The following ALG3 variants were observed in gnomAD, a reference collection of about 807,000 sequenced individuals.
The protein encoded by ALG3 is dol-P-Man:Man(5)GlcNAc(2)-PP-Dol alpha-1,3-mannosyltransferase.
Under a neutral mutation model 50.5 loss-of-function variants are expected in ALG3, and 39 were observed. That is an observed-to-expected ratio of 0.77 (90% CI 0.60 to 1.01). The LOEUF is 1.01. ALG3 is among the 50% of genes least tolerant of loss of function. The pLI, the probability that ALG3 is intolerant of heterozygous loss-of-function variation, is 0.00. For missense variants in ALG3, 520 were observed against 554.8 expected, an observed-to-expected ratio of 0.94 and a Z score of 0.63; for synonymous variants, 252 against 237.2, an observed-to-expected ratio of 1.06 and a Z score of -0.58.
At chr3:184,245,872 C>T in intron 1 of ALG3, 60 bp from the exon 2 acceptor site, 1 of 1,331,588 alleles carries the variant, frequency 7.5e-7, no homozygotes, top group Non-Finnish European at 1.1e-6. Context: ...GCCACCCTCC[C>T]CATGCCTCCA....
chr3:184,245,542 C>A lies in ALG3; in HGVS notation c.370G>T (p.Ala124Ser). 1 of 1,613,954 alleles carries A rather than the reference C, an allele frequency of 6.2e-7. No individual in the cohort carries two copies. The highest frequency in any genetic ancestry group is 1.3e-5 in the African/African-American group (1 of 75,032). Residue 124 changes from alanine to serine, a missense_variant, in exon 3 of 9, where the codon GCC becomes TCC. By Grantham distance (99) the Ala-to-Ser change is moderately conservative. This residue lies in a region of ALG3 where 290 missense variants were observed against 265.9 expected (regional missense o/e 1.09). Coordinates refer to ENST00000397676, the MANE Select transcript of ALG3 (RefSeq NM_005787.6). ...TAGAGCACAGCAAAGATGTTCTGGG[C>A]CATGCGGATGTCAGTGCCTCGGCTG... is the stretch of plus-strand genomic sequence containing the variant. ...ATSRGTDIRM[A>S]QNIFAVLYLA...
rs764510427 is a variant in ALG3, at chr3:184,243,866, T to A, written c.857A>T (p.His286Leu). 6.2e-6 allele frequency: 10 copies of A among 1,613,902 alleles called. No individual in the cohort carries two copies. The African/African-American group carries it at 1.1e-4, about 17-fold the overall frequency. ...WRFLPEALFL[H>L]RAFHLALLTA... Reference sequence around the variant, plus strand: ...CAACAGGGCCAGGTGGAAGGCTCGATGCAGGAAGAGCGCCTCTGGGAGGAA... The same window carrying A: ...CAACAGGGCCAGGTGGAAGGCTCGAAGCAGGAAGAGCGCCTCTGGGAGGAA... Residue 286 changes from histidine to leucine, a missense_variant, in exon 6 of 9, where the codon CAT becomes CTT. Physicochemically the swap from His to Leu is moderately conservative, Grantham distance 99 (BLOSUM62 -3). This residue lies in a region of ALG3 where 224 missense variants were observed against 272.8 expected (regional missense o/e 0.82). Coordinates refer to ENST00000397676, the MANE Select transcript of ALG3 (RefSeq NM_005787.6).
In ALG3 at chr3:184,245,866, C is replaced by A. The variant is rs560721053; in HGVS notation, c.197-54G>T. The A allele has an allele frequency of 9.2e-6, 13 of 1,407,162 alleles. No homozygotes were observed. The African/African-American group carries it at 1.4e-4, about 15-fold the overall frequency. 87.2% of individuals were successfully genotyped at this position (1,407,162 alleles called of 1,614,324 possible). On this transcript the variant is annotated intron_variant, in intron 1 of 8. Coordinates refer to ENST00000397676, the MANE Select transcript of ALG3 (RefSeq NM_005787.6). ...TTCTGAGTCTAGAACTTGTCTGCCACCCTCCCCATGCCTCCAGACCATCAA... is the reference window on the plus strand; with the variant it reads ...TTCTGAGTCTAGAACTTGTCTGCCAACCTCCCCATGCCTCCAGACCATCAA...
At position 184,242,827 on chromosome 3, in the gene ALG3, G is replaced by T; in HGVS notation, c.1140C>A (p.Leu380=). ...YLLWAMPARW[L]THLLRLLVLG... ...CCAGCTGGTACCTGAGCAGGTGTGTGAGCCAGCGTGCAGGCATGGCCCACA... is the reference window on the plus strand; with the variant it reads ...CCAGCTGGTACCTGAGCAGGTGTGTTAGCCAGCGTGCAGGCATGGCCCACA... The change falls in exon 8 of 9, where the codon CTC becomes CTA. Residue 380 remains leucine, a synonymous_variant. Transcript: ENST00000397676. 6.2e-7 allele frequency: 1 copy of T among 1,613,882 alleles called. No individual in the cohort carries two copies. Among genetic ancestry groups the T allele is most frequent in the Non-Finnish European group, 8.5e-7 (1 of 1,179,888 alleles).
chr3:184,248,883 G>C lies in ALG3; in HGVS notation c.58C>G (p.Leu20Val), dbSNP rs776145295. The C allele has an allele frequency of 4.4e-6, 7 of 1,605,536 alleles. No individual in the cohort carries two copies. Among genetic ancestry groups the C allele is most frequent in the Non-Finnish European group, 5.9e-6 (7 of 1,176,486 alleles). Residue 20 changes from leucine to valine, a missense_variant, in exon 1 of 9, where the codon CTC (leucine) becomes GTC (valine). Leu to Val is a conservative substitution (Grantham distance 32). Around this residue, in one of 3 missense-constraint regions of ALG3, gnomAD observed 290 missense variants for 265.9 expected, o/e 1.09. Transcript: ENST00000397676. ...RSGSAAQAEG[L>V]CKQWLQRAWQ... is the part of the protein sequence containing the mutation. ...GCGCGCTGCAGCCATTGCTTGCAGA[G>C]TCCCTCTGCCTGGGCCGCGGAACCG...
rs1718918249 is a variant in ALG3, at chr3:184,243,020, G to A, written c.1010-63C>T. Reference sequence around the variant, plus strand: ...GGGGGGGACTATCCCAAAACAGAGGGGCAATAGTTTTTAGGTCACATAGCC... The same window carrying A: ...GGGGGGGACTATCCCAAAACAGAGGAGCAATAGTTTTTAGGTCACATAGCC... On this transcript the variant is annotated intron_variant, in intron 7 of 8. Coordinates refer to ENST00000397676, the MANE Select transcript of ALG3 (RefSeq NM_005787.6). 5.0e-6 allele frequency: 8 copies of A among 1,591,524 alleles called. No homozygotes were observed. In the South Asian group the frequency reaches 6.8e-5, roughly 14 times the overall value.
chr3:184,245,648 A>C (rs1362124329), intron 2 of ALG3, 33 bp from the exon 3 acceptor site: 1 of 1,611,420 alleles, frequency 6.2e-7, no homozygotes. Flanking sequence ...AGCCTGGGTC[A>C]GGTCACACAG....
chr3:184,249,195 G>A (rs1475531510), upstream of ALG3: 1 of 1,608,826 alleles, frequency 6.2e-7, no homozygotes, highest in Non-Finnish European at 8.5e-7. Flanking sequence ...AATTTAGAAC[G>A]AATGTCCAGA....
At position 184,243,990 on chromosome 3, in the gene ALG3, G is replaced by T. The variant is rs765739504; in HGVS notation, c.733C>A (p.Leu245Met). 6.2e-7 allele frequency: 1 copy of T among 1,612,892 alleles called. No homozygotes were observed. The highest frequency in any genetic ancestry group is 8.5e-7 in the Non-Finnish European group (1 of 1,179,670). The change falls in exon 6 of 9, where the codon CTG (leucine) becomes ATG (methionine). Residue 245 changes from leucine (L) to methionine (M), a missense_variant. By Grantham distance (15) the Leu-to-Met change is conservative (BLOSUM62 2). Transcript: ENST00000397676. ...LGICAGLQVVLGLPFLLENPS... is the reference protein window; with the variant it reads ...LGICAGLQVVMGLPFLLENPS... ...TTCTCCAGCAGGAAGGGCAGCCCCA[G>T]CACCACCTGAGGATTGGTGTGATGT...
chr3:184,244,678 C>A lies in ALG3; in HGVS notation c.649G>T (p.Gly217Trp), dbSNP rs755087949. Reference sequence around the variant, plus strand: ...TGTGTGAGGAGAAGAAACAGTAACCCAGGGGCGAAGAGCAGCACATTCATC... The same window carrying A: ...TGTGTGAGGAGAAGAAACAGTAACCAAGGGGCGAAGAGCAGCACATTCATC... ...VKMNVLLFAPGLLFLLLTQFG... is the reference protein window; with the variant it reads ...VKMNVLLFAPWLLFLLLTQFG... Residue 217 changes from glycine to tryptophan, a missense_variant, in exon 5 of 9, where the codon GGG (glycine) becomes TGG (tryptophan). Coordinates refer to ENST00000397676, the MANE Select transcript of ALG3 (RefSeq NM_005787.6). The A allele has an allele frequency of 3.1e-6, 5 of 1,610,664 alleles. No homozygotes were observed. In the South Asian group the frequency reaches 5.5e-5, roughly 18 times the overall value.
intron 5 of ALG3, 84 bp from the exon 6 acceptor site, chr3:184,244,080 A>G: frequency 7.3e-7 from 1 of 1,378,034 alleles, no homozygotes; most frequent in Non-Finnish European, 1.0e-6. Flanking sequence ...GGGGTGTGGG[A>G]CGGGGATGTA....
Position 184,245,563 on chromosome 3 carries a change from G to T in ALG3, c.349C>A (p.Arg117=). 6.2e-7 allele frequency: 1 copy of T among 1,613,750 alleles called. No homozygotes were observed. The highest frequency in any genetic ancestry group is 2.2e-5 in the East Asian group (1 of 44,882). The part of the protein sequence containing the change: ...IFMGLYYATS[R]GTDIRMAQNI... ...TGGGCCATGCGGATGTCAGTGCCTCGGCTGGTGGCATAGTACAACCCCATA... is the reference window on the plus strand; with the variant it reads ...TGGGCCATGCGGATGTCAGTGCCTCTGCTGGTGGCATAGTACAACCCCATA... Residue 117 remains arginine (R), a synonymous_variant, in exon 3 of 9, where the codon CGA becomes AGA. Coordinates refer to ENST00000397676, the MANE Select transcript of ALG3 (RefSeq NM_005787.6).
In ALG3 at chr3:184,243,249, G is replaced by A. The variant is rs76811996; in HGVS notation, c.1010-292C>T. On this transcript the variant is annotated intron_variant, in intron 7 of 8. Transcript: ENST00000397676. Reference sequence around the variant, plus strand: ...GTCTTAATTTTTCCATCTGTAAAATGAGAATAGTAAATGTAAGTGTACCTC... The same window carrying A: ...GTCTTAATTTTTCCATCTGTAAAATAAGAATAGTAAATGTAAGTGTACCTC... The A allele has an allele frequency of 0.013, 7,595 of 567,860 alleles. 82 individuals carry two copies. Among genetic ancestry groups the A allele is most frequent in the Middle Eastern group, 0.02 (44 of 2,154 alleles). 35.2% of individuals were successfully genotyped at this position (567,860 alleles called of 1,614,324 possible).
chr3:184,246,216 C>A (rs2108442688), intron 1 of ALG3, among the ~76,000 whole-genome samples: 1 of 152,256 alleles, frequency 6.6e-6, no homozygotes, highest in South Asian at 2.1e-4. Context: ...CAAATTTGAG[C>A]CTAAAGTAAT....
chr3:184,243,041 T>C (rs1718920716), intron 7 of ALG3, 84 bp from the exon 8 acceptor site: 10 of 1,549,932 alleles, frequency 6.5e-6, no homozygotes, highest in East Asian at 2.3e-5. Flanking sequence ...TTAGGTCACA[T>C]AGCCCTCTGG....
chr3:184,248,659 G>A, intron 1 of ALG3, 86 bp downstream of exon 1: 1 of 1,244,506 alleles, frequency 8.0e-7, no homozygotes, highest in Non-Finnish European at 1.1e-6. Flanking sequence ...TACAGAGTCT[G>A]GTTTGGAGTT....
In ALG3 at chr3:184,242,887, G is replaced by C; in HGVS notation, c.1080C>G (p.Phe360Leu). The C allele has an allele frequency of 1.2e-6, 2 of 1,613,856 alleles. No individual in the cohort carries two copies. The highest frequency in any genetic ancestry group is 1.7e-6 in the Non-Finnish European group (2 of 1,179,852). Reference sequence around the variant, plus strand: ...GCAGTGTGTGGAAATACCAGACGTAGAACTGGTAGTGGAGGGAGCGGCTGA... The same window carrying C: ...GCAGTGTGTGGAAATACCAGACGTACAACTGGTAGTGGAGGGAGCGGCTGA... ...ICFSRSLHYQ[F>L]YVWYFHTLPY... The change falls in exon 8 of 9, where the codon TTC (phenylalanine) becomes TTG (leucine). Residue 360 changes from phenylalanine to leucine, a missense_variant. By Grantham distance (22) the Phe-to-Leu change is conservative. Transcript: ENST00000397676.
intron 1 of ALG3, among the ~76,000 whole-genome samples, chr3:184,246,802 G>A (rs1221543239): frequency 2.7e-5 from 4 of 150,016 alleles, no homozygotes; most frequent in East Asian, 2.0e-4. Flanking sequence ...TCAGTCTCCC[G>A]AGTAGCTGGG....
intron 1 of ALG3, among the ~76,000 whole-genome samples, chr3:184,246,503 A>G (rs572770852): frequency 6.6e-6 from 1 of 152,290 alleles, no homozygotes; most frequent in East Asian, 1.9e-4. Context: ...TTGGGATTGA[A>G]GCTTGCAGGG....
Sources: gnomAD v4.1 joint callset for allele counts (sites outside exome capture counted in the v4.1 genomes callset) on GRCh38, gnomAD v4.1.1 for gene constraint, gnomAD v4.1.1 regional missense constraint, MANE v1.5 for transcripts, NCBI Gene and HGNC (gene_info 2026-07-23, HGNC 2026-07-21) for gene names.